C11orf65: variants seen among roughly 807,000 people sequenced by gnomAD.
The protein encoded by C11orf65 is chromosome 11 open reading frame 65.
A neutral mutation model predicts 35.3 loss-of-function variants in C11orf65; 38 were observed. The observed-to-expected ratio is 1.08, with a 90% confidence interval of 0.83 to 1.41. C11orf65 has a LOEUF of 1.41. C11orf65 is among the 40% of genes most tolerant of loss of function. C11orf65 has a pLI of 0.00. For missense variants in C11orf65, 370 were observed against 367.1 expected, an observed-to-expected ratio of 1.01 and a Z score of -0.06; for synonymous variants, 105 against 114.4, an observed-to-expected ratio of 0.92 and a Z score of 0.53.
intron 2 of C11orf65, among the ~76,000 whole-genome samples, chr11:108,446,860 C>T (rs956246862): frequency 3.3e-5 from 5 of 152,028 alleles, no homozygotes; most frequent in African/African-American, 1.2e-4. Context: ...GAGTCAAGAC[C>T]CATCAGTGTG....
chr11:108,341,763 A>T (rs1409479543), intron 2 of C11orf65, among the ~76,000 whole-genome samples: 1 of 152,222 alleles, frequency 6.6e-6, no homozygotes, highest in African/African-American at 2.4e-5. Context: ...TAATCTGGAA[A>T]ATACAAATTA....
intron 2 of C11orf65, among the ~76,000 whole-genome samples, chr11:108,357,561 G>A (rs916059381): frequency 1.6e-4 from 24 of 152,214 alleles, no homozygotes; most frequent in Middle Eastern, 6.3e-3. Context: ...CAGCTTTGAA[G>A]AGAGTAGTGG....
At chr11:108,431,578 G>C (rs78537012) in intron 3 of C11orf65, among the ~76,000 whole-genome samples, 168 bp downstream of exon 3, 3,328 of 152,228 alleles carry the variant, frequency 0.022, 91 homozygotes, top group African/African-American at 0.069. Flanking sequence ...TGTTTGCTTT[G>C]TGATGATTCA....
chr11:108,327,945 T>A (rs572946212), downstream of C11orf65, among the ~76,000 whole-genome samples: 1 of 152,304 alleles, frequency 6.6e-6, no homozygotes, highest in Non-Finnish European at 1.5e-5. Context: ...AGCAGCCAAT[T>A]TTGAAAGTAA....
At position 108,372,296 on chromosome 11, in the gene C11orf65, C is replaced by T. The variant is rs1447100893; in HGVS notation, c.226+20912G>A. ...GCAACCTCTGCCTCCCAGGTTCAAG[C>T]GATTCCCCTGCCTCAGCCTCCCAAG... On this transcript the variant is annotated intron_variant, in intron 2 of 3. Coordinates refer to the C11orf65 transcript ENST00000524755. Among the ~76,000 whole-genome samples, 5 of 152,272 alleles carry T rather than the reference C, an allele frequency of 3.3e-5. No individual in the cohort carries two copies. The East Asian group carries it at 5.8e-4, about 18-fold the overall frequency.
chr11:108,310,267 A>G lies in C11orf65; in HGVS notation c.641-1196T>C, dbSNP rs1591746364. 1.9e-6 allele frequency: 3 copies of G among 1,613,592 alleles called. No homozygotes were observed. The highest frequency in any genetic ancestry group is 1.7e-6 in the Non-Finnish European group (2 of 1,179,686). On this transcript the variant is annotated intron_variant, in intron 6 of 6. Coordinates refer to the C11orf65 transcript ENST00000525729. The stretch of plus-strand genomic sequence containing the variant: ...GCTGCTCACTTTACAGCTTTACTCT[A>G]TGCAGAAATCTATGCAGATAAGAAA...
intron 2 of C11orf65, among the ~76,000 whole-genome samples, chr11:108,459,726 T>TACACACACAC (rs60928526): frequency 0.065 from 8,939 of 138,518 alleles, 362 homozygotes; most frequent in East Asian, 0.08. Context: ...GTCCTCCGTC[T>TACACACACAC]ACACACACAC....
chr11:108,425,725 G>A (rs2092891823), intron 3 of C11orf65, among the ~76,000 whole-genome samples: 1 of 152,308 alleles, frequency 6.6e-6, no homozygotes, highest in African/African-American at 2.4e-5. Context: ...TATACCTGAT[G>A]AACATCAATG....
intron 6 of C11orf65, among the ~76,000 whole-genome samples, chr11:108,324,742 A>G (rs1451007034): frequency 6.6e-6 from 1 of 152,140 alleles, no homozygotes; most frequent in Non-Finnish European, 1.5e-5. Flanking sequence ...TAGTTCAGTT[A>G]TTTGGGAAGG....
chr11:108,439,172 G>C (rs2093112093), intron 2 of C11orf65, among the ~76,000 whole-genome samples: 1 of 152,092 alleles, frequency 6.6e-6, no homozygotes, highest in South Asian at 2.1e-4. Flanking sequence ...ATGGGCAAAG[G>C]TCTTGAATAT....
chr11:108,337,491 A>C (rs1378570415), intron 2 of C11orf65, among the ~76,000 whole-genome samples: 1 of 152,188 alleles, frequency 6.6e-6, no homozygotes, highest in Non-Finnish European at 1.5e-5. Flanking sequence ...AAAAACACAG[A>C]TTTCTGATCC....
chr11:108,427,854 A>G (rs112568268), intron 3 of C11orf65, among the ~76,000 whole-genome samples: 23,306 of 66,076 alleles, frequency 0.35, 4,906 homozygotes, highest in Middle Eastern at 0.73. Flanking sequence ...TTTTTGAGAC[A>G]GAGTCTCGCT....
At chr11:108,452,895 C>G (rs1327646764) in intron 2 of C11orf65, among the ~76,000 whole-genome samples, 1 of 150,674 alleles carries the variant, frequency 6.6e-6, no homozygotes, top group Non-Finnish European at 1.5e-5. Flanking sequence ...CAAACTATCA[C>G]AAGGACAGAA....
intron 3 of C11orf65, among the ~76,000 whole-genome samples, chr11:108,413,590 C>G (rs917988435): frequency 5.3e-5 from 8 of 152,216 alleles, no homozygotes; most frequent in African/African-American, 1.9e-4. Context: ...AATAAGCATC[C>G]TTGTCTTTTT....
downstream of C11orf65, among the ~76,000 whole-genome samples, chr11:108,330,609 G>A (rs2086153969): frequency 6.6e-6 from 1 of 152,104 alleles, no homozygotes; most frequent in Non-Finnish European, 1.5e-5. Flanking sequence ...TTCTAGTCTT[G>A]TTTCTACAAA....
At chr11:108,465,581 G>A (rs547101883) in intron 1 of C11orf65, among the ~76,000 whole-genome samples, 13 of 152,274 alleles carry the variant, frequency 8.5e-5, no homozygotes, top group African/African-American at 2.4e-4. Context: ...GTTGGGTTGA[G>A]GAAGTGGGAA....
chr11:108,326,246 G>T (rs755726387), intron 6 of C11orf65: 23 of 1,613,304 alleles, frequency 1.4e-5, no homozygotes, highest in Non-Finnish European at 1.9e-5. Flanking sequence ...TTTATTGGCT[G>T]GATTAGTGTT....
intron 2 of C11orf65, among the ~76,000 whole-genome samples, chr11:108,438,605 G>T (rs2093102950): frequency 6.6e-6 from 1 of 151,598 alleles, no homozygotes; most frequent in Non-Finnish European, 1.5e-5. Flanking sequence ...AAAACTCCTA[G>T]AAGAAAATAT....
At chr11:108,314,467 T>A (rs1373762879) in intron 6 of C11orf65, among the ~76,000 whole-genome samples, 4 of 147,514 alleles carry the variant, frequency 2.7e-5, no homozygotes, top group Non-Finnish European at 3.0e-5. Context: ...TTTTTTTTTT[T>A]ATGTGATATA....
Sources: gnomAD v4.1 joint callset for allele counts (sites outside exome capture counted in the v4.1 genomes callset) on GRCh38, gnomAD v4.1.1 for gene constraint, MANE v1.5 for transcripts, NCBI Gene and HGNC (gene_info 2026-07-23, HGNC 2026-07-21) for gene names.